Variants in FYN observed in about 807,000 individuals in gnomAD.
FYN encodes tyrosine-protein kinase Fyn.
FYN carries 10 observed loss-of-function variants against 70.2 expected under a neutral mutation model. That is an observed-to-expected ratio of 0.14 (90% CI 0.09 to 0.24). FYN has a LOEUF of 0.24. FYN is among the 10% of genes least tolerant of loss of function. The pLI is 1.00. For synonymous variants in FYN, 236 were observed against 248.6 expected, an observed-to-expected ratio of 0.95 and a Z score of 0.48; for missense variants, 319 against 673.1, an observed-to-expected ratio of 0.47 and a Z score of 5.82.
intron 3 of FYN, among the ~76,000 whole-genome samples, chr6:111,728,537 A>G (rs377608479): frequency 1.3e-5 from 2 of 152,040 alleles, no homozygotes; most frequent in South Asian, 2.1e-4. Context: ...GCAACCACGA[A>G]TCTAATTTCT....
chr6:111,870,355 C>G (rs1774236307), intron 1 of FYN, among the ~76,000 whole-genome samples: 1 of 152,148 alleles, frequency 6.6e-6, no homozygotes, highest in South Asian at 2.1e-4. Flanking sequence ...AAGCCACCTA[C>G]CGACCAGAAA....
At chr6:111,699,849 T>C in intron 9 of FYN, 1 of 705,782 alleles carries the variant, frequency 1.4e-6, no homozygotes, top group East Asian at 2.8e-5. Flanking sequence ...ATTTGCTGGT[T>C]TATGAATTGA....
intron 3 of FYN, among the ~76,000 whole-genome samples, chr6:111,761,911 G>A (rs1803024033): frequency 6.6e-6 from 1 of 152,136 alleles, no homozygotes. Flanking sequence ...CCAATGCTGA[G>A]ACTGCTCAGC....
chr6:111,675,558 C>T (rs940205632), intron 12 of FYN, among the ~76,000 whole-genome samples: 2 of 152,106 alleles, frequency 1.3e-5, no homozygotes, highest in Non-Finnish European at 2.9e-5. Flanking sequence ...CCTTACAAGG[C>T]AGAGGCGGGC....
At chr6:111,832,645 A>G (rs1401597391) in intron 2 of FYN, among the ~76,000 whole-genome samples, 2 of 152,184 alleles carry the variant, frequency 1.3e-5, no homozygotes, top group Non-Finnish European at 2.9e-5. Flanking sequence ...TAATAGATGT[A>G]TCACAGTTTA....
At chr6:111,809,019 T>C (rs1000349620) in intron 2 of FYN, among the ~76,000 whole-genome samples, 1 of 152,212 alleles carries the variant, frequency 6.6e-6, no homozygotes, top group African/African-American at 2.4e-5. Flanking sequence ...CATTGCTTTT[T>C]TCCTAAAAGA....
intron 12 of FYN, among the ~76,000 whole-genome samples, chr6:111,678,150 GGT>G (rs1798628733): frequency 2.5e-5 from 3 of 119,804 alleles, no homozygotes; most frequent in African/African-American, 7.9e-5. Flanking sequence ...GTGTGTGTGT[GGT>G]GTGTGTACTT....
intron 1 of FYN, among the ~76,000 whole-genome samples, chr6:111,866,449 C>T (rs957731284): frequency 4.6e-5 from 7 of 152,256 alleles, no homozygotes; most frequent in African/African-American, 1.4e-4. Flanking sequence ...TCAAGCGATT[C>T]GCCTGCCTCA....
intron 6 of FYN, among the ~76,000 whole-genome samples, chr6:111,707,027 C>G (rs990345998): frequency 1.4e-4 from 21 of 152,314 alleles, no homozygotes; most frequent in African/African-American, 5.1e-4. Context: ...GGTGTGGAGT[C>G]TAATCCCTCT....
At chr6:111,820,770 G>C (rs1772631863) in intron 2 of FYN, among the ~76,000 whole-genome samples, 2 of 151,674 alleles carry the variant, frequency 1.3e-5, no homozygotes, top group Non-Finnish European at 2.9e-5. Flanking sequence ...ATAAGCACTG[G>C]AATTATTCAA....
chr6:111,812,057 C>G (rs1434148589), intron 2 of FYN, among the ~76,000 whole-genome samples: 1 of 152,224 alleles, frequency 6.6e-6, no homozygotes, highest in East Asian at 1.9e-4. Context: ...TTACATGGAA[C>G]TGTAGGGAAC....
rs558546110 is a variant in FYN, at chr6:111,836,914, T to C, written c.-82+9675A>G. On this transcript the variant is annotated intron_variant, in intron 2 of 13. Coordinates refer to ENST00000354650, the MANE Select transcript of FYN (RefSeq NM_002037.5). ...AACACAAAAGCCTAATTATATTTTC[T>C]TGGCCACTGTAAAAATGGAATACTG... 1.3e-4 allele frequency among the ~76,000 whole-genome samples: 20 copies of C among 152,358 alleles called. No individual in the cohort carries two copies. The South Asian group carries it at 4.1e-3, about 32-fold the overall frequency.
chr6:111,820,342 C>T (rs1045129047), intron 2 of FYN, among the ~76,000 whole-genome samples: 1 of 152,132 alleles, frequency 6.6e-6, no homozygotes, highest in African/African-American at 2.4e-5. Flanking sequence ...CCAAAATACA[C>T]ACCCATTCAA....
rs1418736900 is a variant in FYN at position 111,780,573 on chromosome 6, T to C, written c.-19A>G. ...AAATGCAGCAACACTTACCAAAATGTCCGCCAACGATCACAAACTTTATAT... is the reference window on the plus strand; with the variant it reads ...AAATGCAGCAACACTTACCAAAATGCCCGCCAACGATCACAAACTTTATAT... On this transcript the variant is annotated 5_prime_UTR_variant, in exon 3 of 14. Transcript: ENST00000354650. The C allele has an allele frequency of 6.6e-6, 1 of 152,568 alleles. No homozygotes were observed. The highest frequency in any genetic ancestry group is 6.6e-5 in the Admixed American group (1 of 15,266). The allele number at this position is 152,568 out of a possible 1,614,324, so 9.5% of individuals were successfully genotyped here.
At chr6:111,826,749 C>T (rs1254700739) in intron 2 of FYN, among the ~76,000 whole-genome samples, 1 of 152,208 alleles carries the variant, frequency 6.6e-6, no homozygotes, top group Non-Finnish European at 1.5e-5. Context: ...TTACTGCTTA[C>T]TGTCTCATCT....
intron 3 of FYN, among the ~76,000 whole-genome samples, chr6:111,756,367 T>C (rs1440672659): frequency 1.4e-5 from 2 of 145,894 alleles, no homozygotes; most frequent in African/African-American, 5.1e-5. Flanking sequence ...CCCAAAAAAA[T>C]CCAAAAACCA....
chr6:111,670,484 C>T (rs1280583885), intron 13 of FYN, among the ~76,000 whole-genome samples: 1 of 152,158 alleles, frequency 6.6e-6, no homozygotes, highest in African/African-American at 2.4e-5. Context: ...TGTTTGTCTC[C>T]TCAAAGAAGA....
intron 6 of FYN, among the ~76,000 whole-genome samples, chr6:111,704,768 C>A (rs1799995948): frequency 6.7e-6 from 1 of 149,830 alleles, no homozygotes; most frequent in Admixed American, 6.7e-5. Flanking sequence ...CAAAACAAAA[C>A]AAAAAAAACA....
At chr6:111,732,888 T>C (rs1281530684) in intron 3 of FYN, among the ~76,000 whole-genome samples, 1 of 152,056 alleles carries the variant, frequency 6.6e-6, no homozygotes, top group Non-Finnish European at 1.5e-5. Flanking sequence ...GCACAGCTGC[T>C]CGTCTACCCG....
Sources: gnomAD v4.1 joint callset for allele counts (sites outside exome capture counted in the v4.1 genomes callset) on GRCh38, gnomAD v4.1.1 for gene constraint, MANE v1.5 for transcripts, NCBI Gene and HGNC (gene_info 2026-07-23, HGNC 2026-07-21) for gene names.